The following PFKFB3 variants were observed in gnomAD, a reference collection of about 807,000 sequenced individuals.
The protein encoded by PFKFB3 is 6-phosphofructo-2-kinase/fructose-2,6-bisphosphatase 3.
In PFKFB3, 33 loss-of-function variants were observed where a neutral mutation model predicts 68.0. The ratio of observed to expected loss-of-function variants is 0.49; its 90% CI spans 0.37 to 0.65. The LOEUF is 0.65. Ranked by LOEUF, PFKFB3 falls within the 30% of genes least tolerant of loss-of-function variation. PFKFB3 has a pLI of 0.00. For missense variants in PFKFB3, 586 were observed against 712.2 expected (o/e 0.82, Z 2.02); for synonymous variants, 315 against 288.2 (o/e 1.09, Z -0.94).
the PFKFB3 span, among the ~76,000 whole-genome samples, chr10:6,260,198 G>C: frequency 6.6e-6 from 1 of 152,058 alleles, no homozygotes; most frequent in African/African-American, 2.4e-5. Flanking sequence ...TGGATCACGA[G>C]GTCAGGAGAT....
intron 1 of PFKFB3, among the ~76,000 whole-genome samples, chr10:6,181,209 T>G (rs189435863): frequency 8.5e-5 from 13 of 152,282 alleles, no homozygotes; most frequent in African/African-American, 3.1e-4. Flanking sequence ...TTTGTAGAGA[T>G]AAAGTCTTGC....
At chr10:6,177,767 A>G (rs950117597) in intron 1 of PFKFB3, among the ~76,000 whole-genome samples, 1 of 151,982 alleles carries the variant, frequency 6.6e-6, no homozygotes, top group Admixed American at 6.6e-5. Context: ...CAGGTGATCT[A>G]TCCGCCTTGG....
At chr10:6,180,872 G>A (rs1842693020) in intron 1 of PFKFB3, among the ~76,000 whole-genome samples, 1 of 152,214 alleles carries the variant, frequency 6.6e-6, no homozygotes, top group Non-Finnish European at 1.5e-5. Context: ...TCTCTGGCAA[G>A]TAGCAGAATT....
intron 8 of PFKFB3, 134 bp from the exon 9 acceptor site, chr10:6,221,247 C>A: frequency 1.0e-6 from 1 of 978,062 alleles, no homozygotes; most frequent in Non-Finnish European, 1.5e-6. Flanking sequence ...GCGGCTGTGG[C>A]TGTCCCAGTG....
chr10:6,170,512 G>T (rs1003648721), intron 1 of PFKFB3, among the ~76,000 whole-genome samples: 1 of 152,146 alleles, frequency 6.6e-6, no homozygotes, highest in Non-Finnish European at 1.5e-5. Flanking sequence ...GTTTGAGACT[G>T]GCCTGGGCCA....
rs552851905 is a variant in PFKFB3 at position 6,234,274 on chromosome 10, G to A, written c.*1332G>A. On this transcript the variant is annotated 3_prime_UTR_variant, in exon 15 of 15. Transcript: ENST00000379775. The stretch of plus-strand genomic sequence containing the variant: ...GTGCCAAAGGTCACTTTTCTTTCCT[G>A]CCTTCTGCTGTGAGCCCTGAGATCC... 1 of 152,286 alleles carries A rather than the reference G, an allele frequency of 6.6e-6. No homozygotes were observed. Among genetic ancestry groups the A allele is most frequent in the African/African-American group, 2.4e-5 (1 of 41,416 alleles). 9.4% of individuals were successfully genotyped at this position (152,286 alleles called of 1,614,324 possible). A position where few individuals can be genotyped will look rare whatever the true frequency, so the allele number is the denominator to read the frequency against.
At chr10:6,270,166 C>T in the PFKFB3 span, among the ~76,000 whole-genome samples, 7 of 152,060 alleles carry the variant, frequency 4.6e-5, no homozygotes, top group East Asian at 1.9e-4. Flanking sequence ...ACAACAACAA[C>T]GACAACAACA....
rs1375778808 is a variant in PFKFB3, at chr10:6,229,877, A to G, written c.1516-3018A>G. On this transcript the variant is annotated intron_variant, in intron 14 of 14. Coordinates refer to ENST00000379775, the MANE Select transcript of PFKFB3 (RefSeq NM_004566.4). The surrounding 1 kb of genome is among the most constrained non-coding windows in gnomAD (Gnocchi z 4.3). Reference sequence around the variant, plus strand: ...TCTGGCATTAGATTCTCTGAAGGGAACGCACAGCCTAGATCCCTCGTGTGT... The same window carrying G: ...TCTGGCATTAGATTCTCTGAAGGGAGCGCACAGCCTAGATCCCTCGTGTGT... Among the ~76,000 whole-genome samples the G allele has an allele frequency of 3.9e-5, 6 of 152,010 alleles. No individual in the cohort carries two copies. The highest frequency in any genetic ancestry group is 7.4e-5 in the Non-Finnish European group (5 of 68,000).
the PFKFB3 span, among the ~76,000 whole-genome samples, chr10:6,298,656 G>A: frequency 6.6e-6 from 1 of 152,144 alleles, no homozygotes; most frequent in Non-Finnish European, 1.5e-5. Context: ...GTGAGCCACT[G>A]CACTTGGCCT....
intron 1 of PFKFB3, among the ~76,000 whole-genome samples, chr10:6,208,758 G>A (rs2131900501): frequency 6.6e-6 from 1 of 152,292 alleles, no homozygotes; most frequent in South Asian, 2.1e-4. Flanking sequence ...GAGAGCAGGA[G>A]TAGGAACCCG....
chr10:6,300,330 T>G, the PFKFB3 span, among the ~76,000 whole-genome samples: 1 of 152,188 alleles, frequency 6.6e-6, no homozygotes, highest in Non-Finnish European at 1.5e-5. Context: ...CTCCATCATT[T>G]GACACAGGAC....
At chr10:6,301,667 G>A in the PFKFB3 span, among the ~76,000 whole-genome samples, 2 of 152,194 alleles carry the variant, frequency 1.3e-5, no homozygotes, top group East Asian at 1.9e-4. Flanking sequence ...AGGGCAGTTC[G>A]TCTGCCCTCA....
the PFKFB3 span, among the ~76,000 whole-genome samples, chr10:6,301,847 T>C: frequency 6.6e-6 from 1 of 152,196 alleles, no homozygotes; most frequent in Non-Finnish European, 1.5e-5. Flanking sequence ...GATCACATTA[T>C]TCCAGTGCAG....
chr10:6,228,988 C>T lies in PFKFB3; in HGVS notation c.1515+2623C>T, dbSNP rs565411971. 9 of 436,444 alleles carry T rather than the reference C, an allele frequency of 2.1e-5. No individual in the cohort carries two copies. The highest frequency in any genetic ancestry group is 7.1e-5 in the East Asian group (1 of 14,126). The allele number at this position is 436,444 out of a possible 1,614,324, so 27.0% of individuals were successfully genotyped here. On this transcript the variant is annotated intron_variant, in intron 14 of 14. Coordinates refer to ENST00000379775, the MANE Select transcript of PFKFB3 (RefSeq NM_004566.4). The surrounding 1 kb of genome is among the most constrained non-coding windows in gnomAD (Gnocchi z 4.5). ...ATCCCTTCCCCACCAGGAGCAGAGG[C>T]CTTCCTGCCACAGAACTTTAATGAC...
Position 6,226,323 on chromosome 10 carries a change from CA to C in PFKFB3, c.1474del (p.Ser492AlafsTer16). Reference sequence around the variant, plus strand: ...TGGCCTCCACCTCGGCCGCCCTGCCCAGCTGCCTGCCCCCGGAGGTGCCCAC... The same window carrying C: ...TGGCCTCCACCTCGGCCGCCCTGCCCGCTGCCTGCCCCCGGAGGTGCCCAC... ...HVASTSAALP[S>X]CLPPEVPTQL... On this transcript the variant is annotated frameshift_variant, in exon 14 of 15. Coordinates refer to ENST00000379775, the MANE Select transcript of PFKFB3 (RefSeq NM_004566.4). LOFTEE classifies it high-confidence loss of function. 6.2e-7 allele frequency: 1 copy of C among 1,613,964 alleles called. No individual in the cohort carries two copies. The highest frequency in any genetic ancestry group is 1.1e-5 in the South Asian group (1 of 91,070).
At chr10:6,242,926 C>T (rs1282364728) in intron 14 of PFKFB3, among the ~76,000 whole-genome samples, 1 of 152,184 alleles carries the variant, frequency 6.6e-6, no homozygotes. Flanking sequence ...ATAGCAGATT[C>T]AGTTACTGAC....
the PFKFB3 span, among the ~76,000 whole-genome samples, chr10:6,314,861 G>A: frequency 6.6e-6 from 1 of 152,136 alleles, no homozygotes; most frequent in African/African-American, 2.4e-5. Context: ...CCTGGGCTGG[G>A]TCCTACCCCA....
chr10:6,316,223 G>A, the PFKFB3 span, among the ~76,000 whole-genome samples: 1 of 93,648 alleles, frequency 1.1e-5, no homozygotes, highest in African/African-American at 3.8e-5. Flanking sequence ...TGAAGAGTGT[G>A]GTTGGCTGAA....
downstream of PFKFB3, among the ~76,000 whole-genome samples, chr10:6,259,300 T>TCATCCATCCACCCAACCATC (rs1564239490): frequency 2.5e-5 from 3 of 118,792 alleles, no homozygotes; most frequent in East Asian, 5.8e-4. Context: ...ACCCAACCAT[T>TCATCCATCCACCCAACCATC]CATCCATCCA....
Sources: allele counts gnomAD v4.1 joint callset (sites outside exome capture counted in the v4.1 genomes callset), GRCh38; gene constraint gnomAD v4.1.1; non-coding constraint Gnocchi (gnomAD v3.1); transcripts MANE v1.5; gene names NCBI Gene and HGNC (gene_info 2026-07-23, HGNC 2026-07-21).